PIK3C3: variants seen among roughly 807,000 people sequenced by gnomAD.
The protein encoded by PIK3C3 is PI3-kinase type 3.
PIK3C3 carries 95 observed loss-of-function variants against 126.1 expected under a neutral mutation model. The ratio of observed to expected loss-of-function variants is 0.75; its 90% CI spans 0.64 to 0.89. The LOEUF is 0.89. PIK3C3 is among the 40% of genes least tolerant of loss of function. PIK3C3 has a pLI of 0.00. For synonymous variants in PIK3C3, 374 were observed against 360.0 expected, an observed-to-expected ratio of 1.04 and a Z score of -0.44; for missense variants, 829 against 1,063.2, an observed-to-expected ratio of 0.78 and a Z score of 3.06.
At chr18:42,047,631 T>C (rs1984615869) in intron 20 of PIK3C3, among the ~76,000 whole-genome samples, 1 of 152,188 alleles carries the variant, frequency 6.6e-6, no homozygotes, top group South Asian at 2.1e-4. Context: ...ATCTTCATTC[T>C]AACAGGATTT....
Position 42,067,383 on chromosome 18 carries a change from T to TA in PIK3C3, c.2524-4dup. On this transcript the variant is annotated splice_region_variant and splice_polypyrimidine_tract_variant and intron_variant, in intron 23 of 24. Coordinates refer to ENST00000262039, the MANE Select transcript of PIK3C3 (RefSeq NM_002647.4). ...GTTGTAAAGACTAAGAGTGTTATCT[T>TA]ATAGGTTCAGGATAAATTCCGCTTA... is the stretch of plus-strand genomic sequence containing the variant. 6.2e-7 allele frequency: 1 copy of TA among 1,613,876 alleles called. No individual in the cohort carries two copies. The highest frequency in any genetic ancestry group is 1.1e-5 in the South Asian group (1 of 91,052).
intron 4 of PIK3C3, among the ~76,000 whole-genome samples, chr18:41,982,641 C>T (rs1981263857): frequency 6.6e-6 from 1 of 152,110 alleles, no homozygotes; most frequent in Non-Finnish European, 1.5e-5. Context: ...TATACATCTT[C>T]TACAGTGGTA....
intron 4 of PIK3C3, among the ~76,000 whole-genome samples, chr18:41,976,150 C>T (rs535532211): frequency 5.4e-4 from 82 of 152,240 alleles, no homozygotes; most frequent in African/African-American, 1.9e-3. Flanking sequence ...TTTCTGGTCA[C>T]ATAATTAATT....
intron 24 of PIK3C3, 73 bp downstream of exon 24, chr18:42,067,586 C>T (rs1175824741): frequency 7.4e-6 from 11 of 1,482,774 alleles, no homozygotes; most frequent in Non-Finnish European, 1.0e-5. Context: ...GAGAGCCATG[C>T]ATTTCTCCTG....
intron 23 of PIK3C3, among the ~76,000 whole-genome samples, chr18:42,065,058 T>G (rs1188890466): frequency 6.6e-6 from 1 of 151,592 alleles, no homozygotes; most frequent in African/African-American, 2.4e-5. Context: ...CTGAGCAGAG[T>G]TTTCAGCTAT....
At chr18:42,063,645 T>G (rs2144514976) in intron 22 of PIK3C3, among the ~76,000 whole-genome samples, 1 of 152,316 alleles carries the variant, frequency 6.6e-6, no homozygotes, top group Non-Finnish European at 1.5e-5. Flanking sequence ...AATTTGAAAC[T>G]TATATGGATA....
At position 42,081,890 on chromosome 18, in the gene PIK3C3, C is replaced by A. The variant is rs181521350; in HGVS notation, c.*753C>A. The A allele has an allele frequency of 2.0e-5, 3 of 152,090 alleles. No individual in the cohort carries two copies. Among genetic ancestry groups the A allele is most frequent in the African/African-American group, 7.2e-5 (3 of 41,412 alleles). The allele number at this position is 152,090 out of a possible 1,614,324, so 9.4% of individuals were successfully genotyped here. On this transcript the variant is annotated 3_prime_UTR_variant, in exon 25 of 25. Coordinates refer to ENST00000262039, the MANE Select transcript of PIK3C3 (RefSeq NM_002647.4). ...TGAGCATAAGATATTTTTACATATT[C>A]ATGTAAGACAATGTAAATTGTCTTT...
intron 22 of PIK3C3, among the ~76,000 whole-genome samples, chr18:42,060,949 C>T (rs1418856722): frequency 1.3e-5 from 2 of 152,132 alleles, no homozygotes; most frequent in Admixed American, 6.5e-5. Context: ...AACACTTTCA[C>T]AGGAACTCTG....
chr18:41,994,550 T>C (rs1337561962), intron 7 of PIK3C3, among the ~76,000 whole-genome samples: 1 of 152,104 alleles, frequency 6.6e-6, no homozygotes, highest in African/African-American at 2.4e-5. Context: ...AATATACTGG[T>C]TGAACAGAAT....
rs1202825088 is a variant in PIK3C3 at position 42,086,756 on chromosome 18, A to G, written c.*5619A>G. The G allele has an allele frequency of 6.6e-6, 1 of 152,238 alleles. No individual in the cohort carries two copies. Among genetic ancestry groups the G allele is most frequent in the East Asian group, 1.9e-4 (1 of 5,190 alleles). 9.4% of individuals were successfully genotyped at this position (152,238 alleles called of 1,614,324 possible). On this transcript the variant is annotated 3_prime_UTR_variant, in exon 25 of 25. Transcript: ENST00000262039. ...ACCCTCAGTTCTGAGAATTTCCTTG[A>G]AAATTCATGAATAATCCACCCCTTG...
chr18:42,068,601 C>T (rs1172612454), intron 24 of PIK3C3, among the ~76,000 whole-genome samples: 1 of 151,798 alleles, frequency 6.6e-6, no homozygotes, highest in Admixed American at 6.6e-5. Flanking sequence ...TTTTTCCTTC[C>T]CCCCACCTCC....
At chr18:42,029,468 C>A in intron 15 of PIK3C3, 27 bp downstream of exon 15, 1 of 1,228,200 alleles carries the variant, frequency 8.1e-7, no homozygotes, top group South Asian at 1.2e-5. Flanking sequence ...TGCTTTTGTT[C>A]CTAATAGCAT....
chr18:41,991,381 AT>A (rs1354217872), intron 6 of PIK3C3, among the ~76,000 whole-genome samples: 1 of 152,100 alleles, frequency 6.6e-6, no homozygotes, highest in Non-Finnish European at 1.5e-5. Context: ...ATAAAAAAAA[AT>A]GTATGCATAG....
Position 42,004,425 on chromosome 18 carries a change from C to T in PIK3C3, c.1054C>T (p.Leu352=). 1 of 1,613,796 alleles carries T rather than the reference C, an allele frequency of 6.2e-7. No homozygotes were observed. Among genetic ancestry groups the T allele is most frequent in the South Asian group, 1.1e-5 (1 of 91,054 alleles). ...AGAGGCCAAACAGGCCTTGGAACTTCTGGGAAAATGGAAGCCGATGGATGT... is the reference window on the plus strand; with the variant it reads ...AGAGGCCAAACAGGCCTTGGAACTTTTGGGAAAATGGAAGCCGATGGATGT... ...PQEAKQALEL[L]GKWKPMDVED... The change falls in exon 10 of 25, where the codon CTG becomes TTG. Residue 352 remains leucine, a synonymous_variant. Coordinates refer to ENST00000262039, the MANE Select transcript of PIK3C3 (RefSeq NM_002647.4).
chr18:42,067,334 T>A, intron 23 of PIK3C3, 54 bp from the exon 24 acceptor site: 1 of 1,574,330 alleles, frequency 6.4e-7, no homozygotes, highest in Non-Finnish European at 8.7e-7. Context: ...TTCTGCCTGT[T>A]CAAAATGTGC....
intron 24 of PIK3C3, among the ~76,000 whole-genome samples, chr18:42,071,009 ATAG>A (rs1245998590): frequency 2.0e-5 from 3 of 152,210 alleles, no homozygotes; most frequent in Non-Finnish European, 2.9e-5. Context: ...CTTCATTACA[ATAG>A]TAGATACGAT....
intron 20 of PIK3C3, among the ~76,000 whole-genome samples, chr18:42,048,268 C>T (rs1475480938): frequency 6.6e-6 from 1 of 152,186 alleles, no homozygotes; most frequent in Non-Finnish European, 1.5e-5. Context: ...CAGGTGAAGG[C>T]TCTGTGTTTC....
At chr18:42,043,106 T>A (rs540133192) in intron 19 of PIK3C3, among the ~76,000 whole-genome samples, 1 of 152,166 alleles carries the variant, frequency 6.6e-6, no homozygotes, top group South Asian at 2.1e-4. Context: ...TAAACTTTTT[T>A]TTTTTTTTTG....
chr18:42,010,246 T>G (rs929589567), intron 10 of PIK3C3, among the ~76,000 whole-genome samples: 1 of 152,208 alleles, frequency 6.6e-6, no homozygotes. Context: ...AAGAAGCAAC[T>G]CTTCATCTGT....
Sources: gnomAD v4.1 joint callset for allele counts (sites outside exome capture counted in the v4.1 genomes callset) on GRCh38, gnomAD v4.1.1 for gene constraint, MANE v1.5 for transcripts, NCBI Gene and HGNC (gene_info 2026-07-23, HGNC 2026-07-21) for gene names.